Variants in CCDC63 observed in about 807,000 individuals in gnomAD.
CCDC63 encodes coiled-coil domain containing 63, also known as coiled-coil domain-containing protein 63.
Under a neutral mutation model 63.6 loss-of-function variants are expected in CCDC63, and 54 were observed. The ratio of observed to expected loss-of-function variants is 0.85; its 90% CI spans 0.68 to 1.07. CCDC63 has a LOEUF of 1.07. Ranked by LOEUF, CCDC63 falls within the 50% of genes least tolerant of loss-of-function variation. The pLI is 0.00. For synonymous variants in CCDC63, 253 were observed against 266.1 expected, an observed-to-expected ratio of 0.95 and a Z score of 0.48; for missense variants, 637 against 689.6, an observed-to-expected ratio of 0.92 and a Z score of 0.86.
intron 10 of CCDC63, 54 bp from the exon 11 acceptor site, chr12:110,904,533 GC>G (rs1192683985): frequency 2.6e-6 from 4 of 1,520,968 alleles, no homozygotes; most frequent in Admixed American, 1.7e-5. Context: ...CACCCACAGT[GC>G]CCCCAGGCCC....
intron 10 of CCDC63, among the ~76,000 whole-genome samples, chr12:110,902,426 C>A (rs188981946): frequency 1.5e-3 from 229 of 152,322 alleles, no homozygotes; most frequent in Non-Finnish European, 2.5e-3. Flanking sequence ...GCCCCTGCAT[C>A]TTGTTCCTAC....
intron 10 of CCDC63, among the ~76,000 whole-genome samples, chr12:110,902,914 G>A (rs1174031297): frequency 1.4e-5 from 2 of 144,106 alleles, no homozygotes; most frequent in East Asian, 2.0e-4. Flanking sequence ...ATGGAGTCTC[G>A]CTCTGTCACC....
intron 8 of CCDC63, among the ~76,000 whole-genome samples, chr12:110,887,799 AT>A (rs1230243189): frequency 6.6e-6 from 1 of 151,890 alleles, no homozygotes; most frequent in Non-Finnish European, 1.5e-5. Flanking sequence ...GGGTTTCACC[AT>A]GTTGGCCAGG....
At chr12:110,867,625 G>A (rs2070985462) in intron 4 of CCDC63, among the ~76,000 whole-genome samples, 1 of 126,320 alleles carries the variant, frequency 7.9e-6, no homozygotes, top group Admixed American at 7.5e-5. Context: ...GGGCAGAGGG[G>A]CTCCTCACTT....
chr12:110,868,730 GGAGGGAGAGGGA>G lies in CCDC63; in HGVS notation c.370-5106_370-5095del, dbSNP rs1253521194. Reference sequence around the variant, plus strand: ...ACCGTGGGGAGAGGGAGAGGGAGAGGGAGGGAGAGGGAGAGGGGGAGGGGAAGGGGGAGGGGG... The same window carrying G: ...ACCGTGGGGAGAGGGAGAGGGAGAGGGAGGGGGAGGGGAAGGGGGAGGGGG... On this transcript the variant is annotated intron_variant, in intron 4 of 11. Transcript: ENST00000308208. Among the ~76,000 whole-genome samples, 87 of 114,730 alleles carry G rather than the reference GGAGGGAGAGGGA, an allele frequency of 7.6e-4. 1 individual carries two copies. Among genetic ancestry groups the G allele is most frequent in the East Asian group, 3.6e-3 (12 of 3,380 alleles). The allele number at this position is 114,730 out of a possible 152,430, so 75.3% of individuals were successfully genotyped here.
At position 110,866,311 on chromosome 12, in the gene CCDC63, T is replaced by A. The variant is rs569474698; in HGVS notation, c.370-7531T>A. Among the ~76,000 whole-genome samples, 6 of 97,780 alleles carry A rather than the reference T, an allele frequency of 6.1e-5. No individual in the cohort carries two copies. In the East Asian group the frequency reaches 1.6e-3, roughly 26 times the overall value. 64.1% of individuals were successfully genotyped at this position (97,780 alleles called of 152,430 possible). ...AACCGTAATTTGCTTAAGCCACTCT[T>A]TTTTTTTTTTTTTAATTTATTTTTT... On this transcript the variant is annotated intron_variant, in intron 4 of 11. Transcript: ENST00000308208.
At chr12:110,866,013 T>C (rs975393304) in intron 4 of CCDC63, among the ~76,000 whole-genome samples, 1 of 152,226 alleles carries the variant, frequency 6.6e-6, no homozygotes, top group Non-Finnish European at 1.5e-5. Flanking sequence ...AGTCTCCCTC[T>C]GTCACCCAGG....
At chr12:110,884,466 A>G (rs904541244) in intron 8 of CCDC63, among the ~76,000 whole-genome samples, 1 of 151,470 alleles carries the variant, frequency 6.6e-6, no homozygotes, top group African/African-American at 2.4e-5. Flanking sequence ...TGCAGTCTCA[A>G]CCTCCCAGGC....
At chr12:110,892,178 C>T (rs1050921957) in intron 8 of CCDC63, among the ~76,000 whole-genome samples, 2 of 152,152 alleles carry the variant, frequency 1.3e-5, no homozygotes, top group Non-Finnish European at 2.9e-5. Context: ...TTTGAGAACT[C>T]CCACTCCACA....
At chr12:110,876,642 C>A (rs552101169) in intron 5 of CCDC63, among the ~76,000 whole-genome samples, 1 of 152,018 alleles carries the variant, frequency 6.6e-6, no homozygotes, top group Non-Finnish European at 1.5e-5. Context: ...AAATTAAATC[C>A]CCTTGCTGTT....
intron 4 of CCDC63, among the ~76,000 whole-genome samples, chr12:110,867,235 A>G (rs1261300407): frequency 1.2e-5 from 1 of 84,382 alleles, no homozygotes; most frequent in African/African-American, 4.8e-5. Context: ...CGACCCCCCC[A>G]CCTCCCTCCC....
At chr12:110,906,026 A>ATAATATAATATATATTATT (rs2071572576) in intron 11 of CCDC63, among the ~76,000 whole-genome samples, 1 of 64,762 alleles carries the variant, frequency 1.5e-5, no homozygotes, top group Non-Finnish European at 2.8e-5. Context: ...TATATATTAT[A>ATAATATAATATATATTATT]TATTATAATA....
Position 110,853,564 on chromosome 12 carries a change from G to T in CCDC63, c.169G>T (p.Ala57Ser). The T allele has an allele frequency of 1.2e-6, 2 of 1,614,236 alleles. No homozygotes were observed. The highest frequency in any genetic ancestry group is 1.7e-6 in the Non-Finnish European group (2 of 1,180,044). Residue 57 changes from alanine (A) to serine (S), a missense_variant, in exon 3 of 12, where the codon GCG becomes TCG. Coordinates refer to ENST00000308208, the MANE Select transcript of CCDC63 (RefSeq NM_152591.3). The stretch of plus-strand genomic sequence containing the variant: ...TAAGTTCCGAAACCAGCAGAAGATT[G>T]CGAGTCAGTAGTAAGTGATGGTTGG... ...SFKFRNQQKI[A>S]SQYKEIKTLK...
chr12:110,882,867 T>C (rs1184065125), intron 7 of CCDC63, among the ~76,000 whole-genome samples: 1 of 151,896 alleles, frequency 6.6e-6, no homozygotes, highest in Non-Finnish European at 1.5e-5. Context: ...TATTTATTTA[T>C]TTATTTTTAA....
intron 3 of CCDC63, among the ~76,000 whole-genome samples, chr12:110,854,391 T>A (rs2070745211): frequency 6.7e-6 from 1 of 148,418 alleles, no homozygotes; most frequent in African/African-American, 2.5e-5. Context: ...GCCTCCCGGG[T>A]TCAGGTGATT....
intron 1 of CCDC63, among the ~76,000 whole-genome samples, chr12:110,851,330 G>T (rs1047973461): frequency 6.6e-6 from 1 of 152,076 alleles, no homozygotes; most frequent in Non-Finnish European, 1.5e-5. Flanking sequence ...ATTTTAGCTT[G>T]GTTCTCAGCC....
chr12:110,907,332 G>A lies in CCDC63; in HGVS notation c.1548G>A (p.Val516=), dbSNP rs368741250. 3.7e-6 allele frequency: 6 copies of A among 1,613,066 alleles called. No homozygotes were observed. In the East Asian group the frequency reaches 1.3e-4, roughly 36 times the overall value. The change falls in exon 12 of 12, where the codon GTG becomes GTA. Residue 516 remains valine (V), a splice_region_variant and synonymous_variant. Transcript: ENST00000308208. The surrounding 1 kb of genome is among the most constrained non-coding windows in gnomAD (Gnocchi z 4.4). ...ADPFSDRLDD[V]EQPLDHSSLR... is the part of the protein sequence containing the mutation. The stretch of plus-strand genomic sequence containing the variant: ...CACACAAATCTGATCTTGGTGCAGT[G>A]GAACAGCCCCTGGACCACAGCAGCC...
intron 9 of CCDC63, among the ~76,000 whole-genome samples, chr12:110,896,286 G>A (rs558091409): frequency 2.2e-4 from 34 of 152,088 alleles, no homozygotes; most frequent in African/African-American, 7.2e-4. Flanking sequence ...GATTATAGGC[G>A]TGAGCCACCA....
intron 9 of CCDC63, among the ~76,000 whole-genome samples, chr12:110,895,561 T>C (rs1207473019): frequency 6.6e-6 from 1 of 152,110 alleles, no homozygotes; most frequent in Non-Finnish European, 1.5e-5. Flanking sequence ...CATGGGAGGG[T>C]TTTGCATAGG....
Sources: gnomAD v4.1 joint callset for allele counts (sites outside exome capture counted in the v4.1 genomes callset) on GRCh38, gnomAD v4.1.1 for gene constraint, Gnocchi (gnomAD v3.1) non-coding constraint, MANE v1.5 for transcripts, NCBI Gene and HGNC (gene_info 2026-07-23, HGNC 2026-07-21) for gene names.